CNTN5: variants seen among roughly 807,000 people sequenced by gnomAD.
CNTN5 encodes the protein contactin-5.
Under a neutral mutation model 129.1 loss-of-function variants are expected in CNTN5, and 77 were observed. The ratio of observed to expected loss-of-function variants is 0.60; its 90% CI spans 0.50 to 0.72. The LOEUF is 0.72. Among genes scored for constraint, CNTN5 ranks in the 30% least tolerant of loss-of-function variants. CNTN5 has a pLI of 0.00. For missense variants in CNTN5, 1,478 were observed against 1,328.8 expected, an observed-to-expected ratio of 1.11 and a Z score of -1.75; for synonymous variants, 509 against 465.6, an observed-to-expected ratio of 1.09 and a Z score of -1.20.
chr11:99,565,960 C>A (rs966216397), intron 3 of CNTN5, among the ~76,000 whole-genome samples: 2 of 152,164 alleles, frequency 1.3e-5, no homozygotes, highest in Non-Finnish European at 2.9e-5. Flanking sequence ...ATAGTGATAT[C>A]ATTGCTTTCA....
At chr11:99,725,823 T>C (rs1430021787) in intron 3 of CNTN5, among the ~76,000 whole-genome samples, 2 of 152,272 alleles carry the variant, frequency 1.3e-5, no homozygotes, top group African/African-American at 4.8e-5. Context: ...ACCAGCTTTA[T>C]TAAACACAAG....
chr11:99,424,073 C>T (rs762794216), intron 2 of CNTN5, among the ~76,000 whole-genome samples: 3 of 152,024 alleles, frequency 2.0e-5, no homozygotes, highest in Non-Finnish European at 2.9e-5. Flanking sequence ...CCTATACGTA[C>T]ATACATACAT....
At chr11:99,350,062 T>G (rs905680922) in intron 2 of CNTN5, among the ~76,000 whole-genome samples, 6 of 152,178 alleles carry the variant, frequency 3.9e-5, no homozygotes, top group Non-Finnish European at 7.3e-5. Context: ...AAAGTCCCTT[T>G]TAATGTTTAC....
intron 2 of CNTN5, among the ~76,000 whole-genome samples, chr11:99,387,758 T>C (rs755942870): frequency 1.3e-5 from 2 of 152,166 alleles, no homozygotes; most frequent in Non-Finnish European, 2.9e-5. Flanking sequence ...GACCTTATGC[T>C]GGGATATTTG....
chr11:99,260,016 C>T (rs184752063), intron 1 of CNTN5, among the ~76,000 whole-genome samples: 10 of 151,634 alleles, frequency 6.6e-5, no homozygotes, highest in South Asian at 4.2e-4. Context: ...AAATATTAAT[C>T]TTCATCTGTT....
intron 16 of CNTN5, among the ~76,000 whole-genome samples, chr11:100,227,326 C>T (rs1001482239): frequency 1.1e-4 from 16 of 152,152 alleles, no homozygotes; most frequent in Admixed American, 8.5e-4. Flanking sequence ...TCAACCTTGC[C>T]GCTCATGAAC....
chr11:99,521,785 C>T (rs10501915), intron 2 of CNTN5, among the ~76,000 whole-genome samples: 36,196 of 152,034 alleles, frequency 0.24, 4,886 homozygotes, highest in East Asian at 0.31. Context: ...GTCTTTTCCT[C>T]GCATTTTGCT....
At chr11:99,219,089 C>G (rs1860271643) in intron 1 of CNTN5, among the ~76,000 whole-genome samples, 1 of 151,918 alleles carries the variant, frequency 6.6e-6, no homozygotes, top group Non-Finnish European at 1.5e-5. Context: ...AAACCAAATC[C>G]TCACTAATAG....
chr11:99,352,250 TA>T (rs77667772), intron 2 of CNTN5, among the ~76,000 whole-genome samples: 24,155 of 152,214 alleles, frequency 0.16, 2,214 homozygotes, highest in Middle Eastern at 0.27. Context: ...CTCACAGCAT[TA>T]AAAAGGCAGT....
At chr11:99,169,538 T>C (rs1224173428) in intron 1 of CNTN5, among the ~76,000 whole-genome samples, 1 of 152,010 alleles carries the variant, frequency 6.6e-6, no homozygotes, top group Non-Finnish European at 1.5e-5. Flanking sequence ...CTATGAGCCA[T>C]TAATAAGAAG....
chr11:99,629,945 A>T (rs1363128284), intron 3 of CNTN5, among the ~76,000 whole-genome samples: 2 of 151,976 alleles, frequency 1.3e-5, no homozygotes, highest in African/African-American at 4.8e-5. Flanking sequence ...ATTATTAAAT[A>T]AAAACATTCC....
chr11:99,158,495 T>A (rs549742651), intron 1 of CNTN5, among the ~76,000 whole-genome samples: 1 of 152,308 alleles, frequency 6.6e-6, no homozygotes, highest in African/African-American at 2.4e-5. Context: ...TCTGTTTTAT[T>A]AATTGGCATA....
At chr11:99,274,125 C>T (rs1863311202) in intron 1 of CNTN5, among the ~76,000 whole-genome samples, 1 of 151,766 alleles carries the variant, frequency 6.6e-6, no homozygotes, top group African/African-American at 2.4e-5. Flanking sequence ...ATATGTCAAA[C>T]ATTTCCATCA....
chr11:100,197,803 C>T (rs1197167859), intron 15 of CNTN5, among the ~76,000 whole-genome samples: 1 of 151,940 alleles, frequency 6.6e-6, no homozygotes, highest in African/African-American at 2.4e-5. Flanking sequence ...AAATATCTCA[C>T]GCATTTGTTG....
intron 1 of CNTN5, among the ~76,000 whole-genome samples, chr11:99,074,557 T>A (rs1287536874): frequency 6.6e-6 from 1 of 152,190 alleles, no homozygotes; most frequent in Non-Finnish European, 1.5e-5. Flanking sequence ...TTGCCCAGGC[T>A]GATCTCAAAC....
chr11:99,201,454 C>CT (rs1206800185), intron 1 of CNTN5, among the ~76,000 whole-genome samples: 1 of 133,602 alleles, frequency 7.5e-6, no homozygotes, highest in Non-Finnish European at 1.6e-5. Context: ...TTTCTCTTTC[C>CT]TTTTTTTCTT....
intron 9 of CNTN5, among the ~76,000 whole-genome samples, chr11:100,016,282 T>C (rs1940815664): frequency 6.6e-6 from 1 of 152,186 alleles, no homozygotes; most frequent in African/African-American, 2.4e-5. Flanking sequence ...CAAAAACATC[T>C]CCTATGCCCA....
chr11:99,353,269 TG>T lies in CNTN5; in HGVS notation c.-71+27787del, dbSNP rs1303794489. On this transcript the variant is annotated intron_variant, in intron 2 of 24. Transcript: ENST00000524871. ...TAAATCCCACGTTTTTATAAAGTAT[TG>T]GTTTCTCATTCAAACTGATGTAAGT... 3.3e-5 allele frequency among the ~76,000 whole-genome samples: 5 copies of T among 152,326 alleles called. No individual in the cohort carries two copies. In the East Asian group the frequency reaches 9.7e-4, roughly 29 times the overall value.
rs898343915 is a variant in CNTN5, at chr11:99,021,052, G to C, written c.-428G>C. ...GGCAGCCAAAGTGCCATTAAAGCTCGGGGCGGAGAGGATGCGTTACCTGGG... is the reference window on the plus strand; with the variant it reads ...GGCAGCCAAAGTGCCATTAAAGCTCCGGGCGGAGAGGATGCGTTACCTGGG... On this transcript the variant is annotated 5_prime_UTR_variant, in exon 1 of 25. Coordinates refer to ENST00000524871, the MANE Select transcript of CNTN5 (RefSeq NM_014361.4). 6.5e-6 allele frequency: 1 copy of C among 152,700 alleles called. No individual in the cohort carries two copies. Among genetic ancestry groups the C allele is most frequent in the African/African-American group, 2.4e-5 (1 of 41,482 alleles). 9.5% of individuals were successfully genotyped at this position (152,700 alleles called of 1,614,324 possible). A position where few individuals can be genotyped will look rare whatever the true frequency, so the allele number is the denominator to read the frequency against.
Sources: gnomAD v4.1 joint callset for allele counts (sites outside exome capture counted in the v4.1 genomes callset) on GRCh38, gnomAD v4.1.1 for gene constraint, MANE v1.5 for transcripts, NCBI Gene and HGNC (gene_info 2026-07-23, HGNC 2026-07-21) for gene names.